Variants in MAML2 observed in about 807,000 individuals in gnomAD.
MAML2 encodes mastermind like transcriptional coactivator 2, also known as mastermind-like protein 2.
In MAML2, 22 loss-of-function variants were observed where a neutral mutation model predicts 96.1. The ratio of observed to expected loss-of-function variants is 0.23; its 90% confidence interval spans 0.16 to 0.33. The LOEUF is 0.33. MAML2 is among the 10% of genes least tolerant of loss of function. The pLI, the probability that MAML2 is intolerant of heterozygous loss-of-function variation, is 1.00. For synonymous variants in MAML2, 561 were observed against 521.3 expected (o/e 1.08, Z -1.04); for missense variants, 1,367 against 1,392.4 (o/e 0.98, Z 0.29).
intron 1 of MAML2, among the ~76,000 whole-genome samples, chr11:96,118,348 G>T (rs1246262398): frequency 6.6e-6 from 1 of 152,106 alleles, no homozygotes; most frequent in Non-Finnish European, 1.5e-5. Context: ...TTTCCCCATG[G>T]TTTTTCTTGA....
intron 2 of MAML2, among the ~76,000 whole-genome samples, chr11:96,011,464 A>G (rs1387935240): frequency 6.6e-6 from 1 of 152,226 alleles, no homozygotes; most frequent in African/African-American, 2.4e-5. Flanking sequence ...GAATGAACAC[A>G]GAAAGAAAAA....
intron 2 of MAML2, among the ~76,000 whole-genome samples, chr11:96,015,516 G>A (rs1053316266): frequency 7.1e-6 from 1 of 140,548 alleles, no homozygotes; most frequent in Non-Finnish European, 1.5e-5. Context: ...TTTCTATTGG[G>A]CCAATTCAAT....
chr11:96,313,047 T>C (rs1368736679), intron 1 of MAML2, among the ~76,000 whole-genome samples: 1 of 152,218 alleles, frequency 6.6e-6, no homozygotes. Context: ...TAGTGAGTAC[T>C]TGAATGTGCT....
At chr11:96,245,991 C>CCATGCCTGGCG (rs1555029517) in intron 1 of MAML2, among the ~76,000 whole-genome samples, 1 of 152,148 alleles carries the variant, frequency 6.6e-6, no homozygotes. Context: ...GTGTGAGCCA[C>CCATGCCTGGCG]TGTGCCCAGC....
chr11:96,227,983 T>A (rs960498164), intron 1 of MAML2, among the ~76,000 whole-genome samples: 2 of 152,110 alleles, frequency 1.3e-5, no homozygotes, highest in Admixed American at 6.5e-5. Context: ...ACACCTGTAG[T>A]CCCAGCCACT....
chr11:96,100,713 G>C (rs1187816210), intron 1 of MAML2, among the ~76,000 whole-genome samples: 1 of 146,386 alleles, frequency 6.8e-6, no homozygotes, highest in Non-Finnish European at 1.5e-5. Flanking sequence ...CCTGAGAAAT[G>C]TTACTAGTTT....
rs564501442 is a variant in MAML2, at chr11:96,126,737, G to C, written c.514-33220C>G. ...CAGAGGAGGACAACTATTGCAAATT[G>C]GCTGAAAAACAATATAAATCCAATT... On this transcript the variant is annotated intron_variant, in intron 1 of 4. Transcript: ENST00000524717. Among the ~76,000 whole-genome samples the C allele has an allele frequency of 4.9e-4, 74 of 152,264 alleles. 1 individual carries two copies. Among genetic ancestry groups the C allele is most frequent in the African/African-American group, 1.8e-3 (74 of 41,552 alleles).
intron 1 of MAML2, among the ~76,000 whole-genome samples, chr11:96,245,108 TACTC>T (rs1367422719): frequency 3.3e-5 from 5 of 152,232 alleles, no homozygotes; most frequent in African/African-American, 7.2e-5. Flanking sequence ...CAAAATATAA[TACTC>T]AGTGTATCTC....
chr11:96,214,676 C>A (rs1430154083), intron 1 of MAML2, among the ~76,000 whole-genome samples: 1 of 152,232 alleles, frequency 6.6e-6, no homozygotes, highest in Non-Finnish European at 1.5e-5. Context: ...CACACACTTA[C>A]TTCTAGGTCA....
At chr11:96,114,068 A>C (rs1456949863) in intron 1 of MAML2, among the ~76,000 whole-genome samples, 1 of 151,882 alleles carries the variant, frequency 6.6e-6, no homozygotes, top group Non-Finnish European at 1.5e-5. Context: ...TTAAACATCT[A>C]ATTTAATTAT....
rs1753986696 is a variant in MAML2 at position 96,320,244 on chromosome 11, C to T, written c.513+21139G>A. Among the ~76,000 whole-genome samples, 4 of 152,214 alleles carry T rather than the reference C, an allele frequency of 2.6e-5. 1 individual carries two copies. The South Asian group carries it at 8.3e-4, about 31-fold the overall frequency. On this transcript the variant is annotated intron_variant, in intron 1 of 4. Transcript: ENST00000524717. ...TTGGATTATGTCACCTGTCAACTAA[C>T]AAATTCCACCACAGCAAACCTAAGC...
chr11:96,253,341 C>G (rs189315739), intron 1 of MAML2, among the ~76,000 whole-genome samples: 64 of 152,244 alleles, frequency 4.2e-4, no homozygotes, highest in African/African-American at 1.5e-3. Flanking sequence ...ATGACAATGC[C>G]AAGGAATATA....
At chr11:96,070,277 G>A (rs1408240540) in intron 2 of MAML2, among the ~76,000 whole-genome samples, 7 of 152,178 alleles carry the variant, frequency 4.6e-5, no homozygotes, top group Non-Finnish European at 8.8e-5. Flanking sequence ...GCGACACAGC[G>A]AGACTCCGTT....
intron 2 of MAML2, among the ~76,000 whole-genome samples, chr11:96,033,538 T>A (rs1858651982): frequency 6.6e-6 from 1 of 152,256 alleles, no homozygotes; most frequent in Non-Finnish European, 1.5e-5. Flanking sequence ...TGTGCATACC[T>A]AATCTTGTAC....
At chr11:96,182,944 C>T (rs1012554696) in intron 1 of MAML2, among the ~76,000 whole-genome samples, 1 of 145,822 alleles carries the variant, frequency 6.9e-6, no homozygotes, top group African/African-American at 2.5e-5. Flanking sequence ...TCTTCTTGGA[C>T]ATCCTTTCTT....
chr11:96,255,919 G>A (rs1254920663), intron 1 of MAML2, among the ~76,000 whole-genome samples: 1 of 142,830 alleles, frequency 7.0e-6, no homozygotes, highest in African/African-American at 2.7e-5. Flanking sequence ...TGTTGCCCAG[G>A]CTGAAGTGCA....
intron 2 of MAML2, among the ~76,000 whole-genome samples, chr11:96,042,906 G>A (rs1031823200): frequency 5.3e-5 from 8 of 151,806 alleles, no homozygotes; most frequent in South Asian, 2.1e-4. Flanking sequence ...CACCACACCC[G>A]GCTAATTTTT....
At chr11:96,268,356 G>A (rs958146818) in intron 1 of MAML2, among the ~76,000 whole-genome samples, 1 of 152,134 alleles carries the variant, frequency 6.6e-6, no homozygotes, top group Non-Finnish European at 1.5e-5. Flanking sequence ...GTATGGTGGT[G>A]TACTCCTGTA....
chr11:96,026,888 A>ATAAATAAT (rs1328358176), intron 2 of MAML2, among the ~76,000 whole-genome samples: 1 of 151,972 alleles, frequency 6.6e-6, no homozygotes, highest in Non-Finnish European at 1.5e-5. Flanking sequence ...AAATAAATAA[A>ATAAATAAT]TAAATAAATA....
Sources: gnomAD v4.1 joint callset for allele counts (sites outside exome capture counted in the v4.1 genomes callset) on GRCh38, gnomAD v4.1.1 for gene constraint, MANE v1.5 for transcripts, NCBI Gene and HGNC (gene_info 2026-07-23, HGNC 2026-07-21) for gene names.